Variants in DCTN6 observed in about 807,000 individuals in gnomAD.
DCTN6 encodes dynactin subunit 6.
A neutral mutation model predicts 25.8 loss-of-function variants in DCTN6; 15 were observed. The observed-to-expected ratio is 0.58, with a 90% CI of 0.39 to 0.89. The LOEUF (loss-of-function observed/expected upper bound fraction) is 0.89. DCTN6 is among the 40% of genes least tolerant of loss of function. DCTN6 has a pLI of 0.00. For missense variants in DCTN6, 198 were observed against 237.6 expected (o/e 0.83, Z 1.09); for synonymous variants, 64 against 78.3 (o/e 0.82, Z 0.96).
intron 6 of DCTN6, chr8:30,181,151 A>G (rs988377745): frequency 6.5e-6 from 1 of 153,050 alleles, no homozygotes. Flanking sequence ...TATCAAAAAT[A>G]TATACAAGGA....
intron 1 of DCTN6, among the ~76,000 whole-genome samples, chr8:30,162,211 T>A (rs1803607058): frequency 6.6e-6 from 1 of 152,012 alleles, no homozygotes; most frequent in Non-Finnish European, 1.5e-5. Flanking sequence ...TGCCTCAGCC[T>A]CCCCAGTAGC....
intron 2 of DCTN6, among the ~76,000 whole-genome samples, chr8:30,172,610 C>G (rs1369098898): frequency 6.6e-6 from 1 of 152,026 alleles, no homozygotes; most frequent in Non-Finnish European, 1.5e-5. Context: ...ACCACCATGC[C>G]TGGCTAATTT....
At chr8:30,169,399 T>A (rs897105927) in intron 2 of DCTN6, among the ~76,000 whole-genome samples, 3 of 152,290 alleles carry the variant, frequency 2.0e-5, no homozygotes, top group African/African-American at 7.2e-5. Context: ...AAATGGAAAT[T>A]GGATGCAAGG....
chr8:30,178,864 C>T (rs922075272), intron 4 of DCTN6, among the ~76,000 whole-genome samples: 1 of 152,112 alleles, frequency 6.6e-6, no homozygotes, highest in African/African-American at 2.4e-5. Context: ...CTCTGTTGCC[C>T]AGGCTGGTCC....
intron 2 of DCTN6, among the ~76,000 whole-genome samples, chr8:30,168,928 C>G (rs1803723727): frequency 6.6e-6 from 1 of 152,150 alleles, no homozygotes; most frequent in South Asian, 2.1e-4. Flanking sequence ...AATTCATGGC[C>G]CATGAATTAT....
rs776812289 is a variant in DCTN6, at chr8:30,175,149, C to T, written c.153C>T (p.Gly51=). Reference sequence around the variant, plus strand: ...CGGAAGCCGGGCCAATAGTGATTGGCGAAGGGAACCTAATAGAAGAACAGG... The same window carrying T: ...CGGAAGCCGGGCCAATAGTGATTGGTGAAGGGAACCTAATAGAAGAACAGG... ...IIAEAGPIVI[G]EGNLIEEQAL... is the part of the protein sequence containing the mutation. The change falls in exon 3 of 7, where the codon GGC becomes GGT. Residue 51 remains glycine (G), a synonymous_variant. Transcript: ENST00000221114. 2.0e-5 allele frequency: 32 copies of T among 1,613,958 alleles called. No homozygotes were observed. Among genetic ancestry groups the T allele is most frequent in the South Asian group, 8.8e-5 (8 of 91,062 alleles).
rs1366524411 is a variant in DCTN6 at position 30,160,380 on chromosome 8, T to C, written c.24-3731T>C. On this transcript the variant is annotated intron_variant, in intron 1 of 6. Coordinates refer to ENST00000221114, the MANE Select transcript of DCTN6 (RefSeq NM_006571.4). Reference sequence around the variant, plus strand: ...GCCACCATGTGAAGAAGGACGTGTTTGCTTCCCCTTCTGCCATGGTTGTAG... The same window carrying C: ...GCCACCATGTGAAGAAGGACGTGTTCGCTTCCCCTTCTGCCATGGTTGTAG... 2.0e-5 allele frequency among the ~76,000 whole-genome samples: 3 copies of C among 152,338 alleles called. No homozygotes were observed. The East Asian group carries it at 5.8e-4, about 29-fold the overall frequency.
chr8:30,178,693 C>G (rs1213735026), intron 4 of DCTN6, among the ~76,000 whole-genome samples: 1 of 152,038 alleles, frequency 6.6e-6, no homozygotes, highest in Non-Finnish European at 1.5e-5. Flanking sequence ...GGCTCTTGCT[C>G]TGTCACCCAG....
At chr8:30,156,913 G>A (rs1803534409) in intron 1 of DCTN6, among the ~76,000 whole-genome samples, 1 of 152,160 alleles carries the variant, frequency 6.6e-6, no homozygotes, top group South Asian at 2.1e-4. Context: ...GTCAAAAGGG[G>A]GGCCGCGCCT....
intron 4 of DCTN6, among the ~76,000 whole-genome samples, chr8:30,178,420 G>A (rs1016465731): frequency 1.4e-5 from 2 of 147,380 alleles, no homozygotes; most frequent in Non-Finnish European, 3.0e-5. Context: ...CTGAGATCGC[G>A]CCATTGCACC....
chr8:30,178,347 C>T (rs1213647781), intron 4 of DCTN6, among the ~76,000 whole-genome samples: 1 of 151,840 alleles, frequency 6.6e-6, no homozygotes, highest in East Asian at 1.9e-4. Context: ...CCTGTAATCC[C>T]AGCTACTCGG....
At chr8:30,161,543 G>A (rs1803594363) in intron 1 of DCTN6, among the ~76,000 whole-genome samples, 1 of 152,074 alleles carries the variant, frequency 6.6e-6, no homozygotes, top group Admixed American at 6.6e-5. Context: ...TGGTCATGGT[G>A]TACAAGCTTA....
rs191428837 is a variant in DCTN6, at chr8:30,175,190, C to T, written c.194C>T (p.Ala65Val). Residue 65 changes from alanine to valine, a missense_variant and splice_region_variant, in exon 3 of 7, where the codon GCT (alanine) becomes GTT (valine). Ala to Val is a moderately conservative substitution (Grantham distance 64). Coordinates refer to ENST00000221114, the MANE Select transcript of DCTN6 (RefSeq NM_006571.4). ...LIEEQALIINAYPDNITPDTE... is the reference protein window; with the variant it reads ...LIEEQALIINVYPDNITPDTE... ...GAAGAACAGGCCCTTATCATAAATG[C>T]GTAAGACTCTTATACATACTGTGAA... 5.6e-6 allele frequency: 9 copies of T among 1,611,712 alleles called. No individual in the cohort carries two copies. Among genetic ancestry groups the T allele is most frequent in the South Asian group, 3.3e-5 (3 of 90,960 alleles).
At chr8:30,182,135 T>C (rs901528041) in intron 6 of DCTN6, among the ~76,000 whole-genome samples, 6 of 152,154 alleles carry the variant, frequency 3.9e-5, no homozygotes, top group Non-Finnish European at 7.3e-5. Flanking sequence ...GAAGGGAGAT[T>C]AGAATTAAGT....
chr8:30,182,503 A>G (rs1250633424), intron 6 of DCTN6, among the ~76,000 whole-genome samples: 1 of 152,066 alleles, frequency 6.6e-6, no homozygotes, highest in Non-Finnish European at 1.5e-5. Flanking sequence ...GAAATCTACA[A>G]AAGCGAGTTT....
chr8:30,156,795 C>T (rs925670251), intron 1 of DCTN6, among the ~76,000 whole-genome samples: 3 of 152,072 alleles, frequency 2.0e-5, no homozygotes, highest in Admixed American at 2.0e-4. Context: ...CACGGCTTGG[C>T]GCTGGATTCT....
intron 2 of DCTN6, 34 bp from the exon 3 acceptor site, chr8:30,175,051 C>A: frequency 6.3e-7 from 1 of 1,597,296 alleles, no homozygotes; most frequent in Non-Finnish European, 8.6e-7. Context: ...GCATAGCCTC[C>A]ACCAATAATT....
At chr8:30,160,381 G>T (rs567425090) in intron 1 of DCTN6, among the ~76,000 whole-genome samples, 30 of 152,308 alleles carry the variant, frequency 2.0e-4, no homozygotes, top group African/African-American at 6.5e-4. Flanking sequence ...GGACGTGTTT[G>T]CTTCCCCTTC....
rs558931268 is a variant in DCTN6, at chr8:30,166,858, G to T, written c.88+2683G>T. ...TGGCTATAATCCTAGCACTTTGGGA[G>T]GCTGAGGTTGGGAGGATCACTTTAG... On this transcript the variant is annotated intron_variant, in intron 2 of 6. Coordinates refer to ENST00000221114, the MANE Select transcript of DCTN6 (RefSeq NM_006571.4). Among the ~76,000 whole-genome samples, 17 of 152,178 alleles carry T rather than the reference G, an allele frequency of 1.1e-4. 1 individual carries two copies. In the Middle Eastern group the frequency reaches 0.027, roughly 244 times the overall value.
Sources: gnomAD v4.1 joint callset for allele counts (sites outside exome capture counted in the v4.1 genomes callset) on GRCh38, gnomAD v4.1.1 for gene constraint, MANE v1.5 for transcripts, NCBI Gene and HGNC (gene_info 2026-07-23, HGNC 2026-07-21) for gene names.